Variants in CCDC88B observed in about 807,000 individuals in gnomAD.
CCDC88B encodes the protein coiled-coil domain-containing protein 88B.
In CCDC88B, 138 loss-of-function variants were observed where a neutral mutation model predicts 183.7. That is an observed-to-expected ratio of 0.75 (90% CI 0.65 to 0.87). The LOEUF is 0.87. Among genes scored for constraint, CCDC88B ranks in the 40% least tolerant of loss-of-function variants. The pLI, the probability that CCDC88B is intolerant of heterozygous loss-of-function variation, is 0.00. For synonymous variants in CCDC88B, 835 were observed against 867.5 expected (o/e 0.96, Z 0.66); for missense variants, 1,822 against 1,965.6 (o/e 0.93, Z 1.38).
In CCDC88B at chr11:64,349,347, T is replaced by C. The variant is rs2036235329; in HGVS notation, c.2633T>C (p.Val878Ala). Residue 878 changes from valine to alanine, a missense_variant, in exon 15 of 27, where the codon GTG becomes GCG. Coordinates refer to ENST00000356786, the MANE Select transcript of CCDC88B (RefSeq NM_032251.6). ...TGCCCTCAGGAGCTGGAGAAAGCTG[T>C]GGTGCGGGGCAAGGAGTTGGGGGAC... ...EALQAELEKAVVRGKELGDRL... is the reference protein window; with the variant it reads ...EALQAELEKAAVRGKELGDRL... 1 of 1,610,432 alleles carries C rather than the reference T, an allele frequency of 6.2e-7. No homozygotes were observed. The highest frequency in any genetic ancestry group is 8.5e-7 in the Non-Finnish European group (1 of 1,178,856).
At chr11:64,353,603 G>A (rs2036428835) in intron 22 of CCDC88B, 107 bp downstream of exon 22, 1 of 1,577,634 alleles carries the variant, frequency 6.3e-7, no homozygotes, top group Non-Finnish European at 8.6e-7. Flanking sequence ...GACCTTCCAG[G>A]TCAGTCCAAT....
intron 15 of CCDC88B, 37 bp from the exon 16 acceptor site, chr11:64,349,514 G>T: frequency 6.3e-7 from 1 of 1,576,448 alleles, no homozygotes; most frequent in South Asian, 1.2e-5. Flanking sequence ...TGGGGCGAGG[G>T]TGGGGTGGGG....
At position 64,340,684 on chromosome 11, in the gene CCDC88B, C is replaced by T. The variant is rs759471696; in HGVS notation, c.138C>T (p.Pro46=). The T allele has an allele frequency of 2.5e-6, 4 of 1,612,400 alleles. No homozygotes were observed. The highest frequency in any genetic ancestry group is 8.5e-7 in the Non-Finnish European group (1 of 1,179,858). Residue 46 remains proline, a synonymous_variant, in exon 2 of 27, where the codon CCC becomes CCT. Transcript: ENST00000356786. ...GEEEEEEEEP[P]LWLEKRFLRL... ...AAGAGGAAGAGGAGGAAGAGCCGCC[C>T]CTTTGGTTGGAGAAGAGATTCCTGC...
chr11:64,355,660 CT>C, intron 26 of CCDC88B, 32 bp downstream of exon 26: 1 of 1,563,384 alleles, frequency 6.4e-7, no homozygotes, highest in Non-Finnish European at 8.7e-7. Context: ...GAGTAGTATT[CT>C]TTGTCCTGCC....
chr11:64,340,925 G>C lies in CCDC88B; in HGVS notation c.225G>C (p.Gly75=). The change falls in exon 3 of 27, where the codon GGG becomes GGC. Residue 75 remains glycine (G), a synonymous_variant. Transcript: ENST00000356786. ...CTCATAGTGCCCCCAGCTCCCGAGG[G>C]GGACCTCGGATGCTCAGAGGCCTTG... ...VLGIIAPSSR[G]GPRMLRGLDG... 1 of 1,563,110 alleles carries C rather than the reference G, an allele frequency of 6.4e-7. No individual in the cohort carries two copies. The highest frequency in any genetic ancestry group is 8.7e-7 in the Non-Finnish European group (1 of 1,153,656).
At position 64,343,985 on chromosome 11, in the gene CCDC88B, G is replaced by A. The variant is rs767133753; in HGVS notation, c.1456-12G>A. On this transcript the variant is annotated splice_polypyrimidine_tract_variant and intron_variant, in intron 13 of 26. Coordinates refer to ENST00000356786, the MANE Select transcript of CCDC88B (RefSeq NM_032251.6). ...CTCCCTGGGCCTGACTGTCCCTCTC[G>A]TATGCCCTCAGCACCCCCTGCTGGA... is the stretch of plus-strand genomic sequence containing the variant. The A allele has an allele frequency of 5.5e-5, 86 of 1,556,722 alleles. No individual in the cohort carries two copies. Among genetic ancestry groups the A allele is most frequent in the Non-Finnish European group, 7.0e-5 (80 of 1,149,140 alleles).
At chr11:64,343,099 AG>A (rs1053009677) in intron 10 of CCDC88B, 79 bp from the exon 11 acceptor site, 2 of 1,430,390 alleles carry the variant, frequency 1.4e-6, no homozygotes, top group Non-Finnish European at 1.8e-6. Flanking sequence ...TGACAGGCTG[AG>A]GGGAAGGAGT....
chr11:64,340,473 G>C, intron 1 of CCDC88B, 134 bp from the exon 2 acceptor site: 1 of 1,414,464 alleles, frequency 7.1e-7, no homozygotes, highest in South Asian at 1.4e-5. Context: ...ATGGTGTGGG[G>C]GGCTGTGGTG....
rs747825888 is a variant in CCDC88B at position 64,343,239 on chromosome 11, G to A, written c.1123G>A (p.Glu375Lys). ...CAAGGCGCTGCTGGAAGAGCAGCTGGAGGCTGCCCGAGAGCGCTGCGCCCG... is the reference window on the plus strand; with the variant it reads ...CAAGGCGCTGCTGGAAGAGCAGCTGAAGGCTGCCCGAGAGCGCTGCGCCCG... Reference protein sequence around the residue: ...ASKALLEEQLEAARERCARLH... With the variant: ...ASKALLEEQLKAARERCARLH... Residue 375 changes from glutamate (E) to lysine (K), a missense_variant, in exon 11 of 27, where the codon GAG becomes AAG. By Grantham distance (56) the Glu-to-Lys change is moderately conservative (BLOSUM62 1). Coordinates refer to ENST00000356786, the MANE Select transcript of CCDC88B (RefSeq NM_032251.6). 1.2e-5 allele frequency: 19 copies of A among 1,547,444 alleles called. No homozygotes were observed. The African/African-American group carries it at 2.5e-4, about 20-fold the overall frequency.
chr11:64,355,182 T>C lies in CCDC88B; in HGVS notation c.4100-12T>C, dbSNP rs1282299815. ...CCTCCTCTCACCCCCTCCCTGCATG[T>C]ACCTCTTGCAGGGTCCCCTTCCCCG... On this transcript the variant is annotated splice_polypyrimidine_tract_variant and intron_variant, in intron 24 of 26. Coordinates refer to ENST00000356786, the MANE Select transcript of CCDC88B (RefSeq NM_032251.6). 4 of 1,454,710 alleles carry C rather than the reference T, an allele frequency of 2.7e-6. No individual in the cohort carries two copies. In the African/African-American group the frequency reaches 4.4e-5, roughly 16 times the overall value. 90.1% of individuals were successfully genotyped at this position (1,454,710 alleles called of 1,614,324 possible). A position where few individuals can be genotyped will look rare whatever the true frequency, so the allele number is the denominator to read the frequency against.
chr11:64,355,985 G>A (rs1304729141), intron 26 of CCDC88B: 1 of 165,716 alleles, frequency 6.0e-6, no homozygotes, highest in East Asian at 1.6e-4. Context: ...TGTAGCCAGT[G>A]TAAAAATCAT....
rs1249028192 is a variant in CCDC88B, at chr11:64,351,232, C to T, written c.2935C>T (p.Arg979Trp). 13 of 1,529,552 alleles carry T rather than the reference C, an allele frequency of 8.5e-6. No homozygotes were observed. The highest frequency in any genetic ancestry group is 2.0e-4 in the Middle Eastern group (1 of 4,920). 94.7% of individuals were successfully genotyped at this position (1,529,552 alleles called of 1,614,324 possible). The change falls in exon 17 of 27, where the codon CGG (arginine) becomes TGG (tryptophan). Residue 979 changes from arginine to tryptophan, a missense_variant. Arg to Trp is a moderately radical substitution (Grantham distance 101). Transcript: ENST00000356786. ...EPQLVETQNVRLIEVERSNAM... is the reference protein window; with the variant it reads ...EPQLVETQNVWLIEVERSNAM... ...TCAGCTGGTGGAGACCCAGAATGTG[C>T]GGCTTATTGAGGTGGAGCGCAGTGT...
chr11:64,349,392 G>C lies in CCDC88B; in HGVS notation c.2678G>C (p.Arg893Pro). ...GGGGACCGGCTGGAGCATTTGCAGC[G>C]TGAGCTGGAGCAGGCGGCTCTCGAG... ...ELGDRLEHLQ[R>P]ELEQAALERQ... The change falls in exon 15 of 27, where the codon CGT becomes CCT. Residue 893 changes from arginine to proline, a missense_variant. Arg to Pro is a moderately radical substitution (Grantham distance 103, BLOSUM62 -2). Coordinates refer to ENST00000356786, the MANE Select transcript of CCDC88B (RefSeq NM_032251.6). 6.2e-7 allele frequency: 1 copy of C among 1,613,286 alleles called. No individual in the cohort carries two copies. Among genetic ancestry groups the C allele is most frequent in the Non-Finnish European group, 8.5e-7 (1 of 1,179,762 alleles).
rs183757333 is a variant in CCDC88B at position 64,351,940 on chromosome 11, C to T, written c.3100-190C>T. 1.2e-3 allele frequency among the ~76,000 whole-genome samples: 183 copies of T among 152,264 alleles called. 8 individuals are homozygous for T. The East Asian group carries it at 0.026, about 22-fold the overall frequency. On this transcript the variant is annotated intron_variant, in intron 18 of 26. Transcript: ENST00000356786. ...ACAGCCTGGCCCAGCCAGCCTCTGC[C>T]GCCTCTCCCCTGCTCACCATCAGCC...
chr11:64,345,189 G>T, intron 14 of CCDC88B, 32 bp downstream of exon 14: 1 of 1,531,554 alleles, frequency 6.5e-7, no homozygotes, highest in South Asian at 1.2e-5. Flanking sequence ...CGCTGGGGTT[G>T]GGAAGCAGAG....
intron 22 of CCDC88B, 35 bp from the exon 23 acceptor site, chr11:64,353,680 C>T: frequency 1.2e-6 from 2 of 1,610,472 alleles, no homozygotes; most frequent in Non-Finnish European, 1.7e-6. Context: ...CCTCCCTGGG[C>T]CTCACACCCA....
Position 64,340,275 on chromosome 11 carries a change from G to T in CCDC88B, c.9G>T (p.Gly3=). The T allele has an allele frequency of 2.4e-6, 3 of 1,268,446 alleles. No individual in the cohort carries two copies. Among genetic ancestry groups the T allele is most frequent in the South Asian group, 3.3e-5 (1 of 30,430 alleles). The allele number at this position is 1,268,446 out of a possible 1,614,324, so 78.6% of individuals were successfully genotyped here. Residue 3 remains glycine, a synonymous_variant, in exon 1 of 27, where the codon GGG becomes GGT. Coordinates refer to ENST00000356786, the MANE Select transcript of CCDC88B (RefSeq NM_032251.6). ...GGCACCCCGACCCGGGCATGGAGGG[G>T]GGCAAGGGGCCCAGGCTCAGAGACT... The part of the protein sequence containing the change: ME[G]GKGPRLRDFL...
chr11:64,343,715 G>A, intron 12 of CCDC88B, 63 bp from the exon 13 acceptor site: 1 of 1,531,504 alleles, frequency 6.5e-7, no homozygotes, highest in Non-Finnish European at 8.8e-7. Context: ...CCAAGCCTCT[G>A]GGGTGTGTAT....
intron 10 of CCDC88B, 183 bp downstream of exon 10, chr11:64,342,863 A>C: frequency 3.4e-6 from 1 of 297,424 alleles, no homozygotes; most frequent in Non-Finnish European, 5.6e-6. Context: ...AGGATGGGGC[A>C]GGTGTAGGGG....
Sources: allele counts gnomAD v4.1 joint callset (sites outside exome capture counted in the v4.1 genomes callset), GRCh38; gene constraint gnomAD v4.1.1; transcripts MANE v1.5; gene names NCBI Gene and HGNC (gene_info 2026-07-23, HGNC 2026-07-21).